Variants in EYS observed in about 807,000 individuals in gnomAD.
EYS encodes the protein protein eyes shut homolog.
EYS carries 250 observed loss-of-function variants against 282.1 expected under a neutral mutation model. The observed-to-expected ratio is 0.89, with a 90% confidence interval of 0.80 to 0.98. The LOEUF (loss-of-function observed/expected upper bound fraction) is 0.98. EYS is among the 50% of genes least tolerant of loss of function. The pLI is 0.00. For synonymous variants in EYS, 1,355 were observed against 1,282.9 expected, an observed-to-expected ratio of 1.06 and a Z score of -1.20; for missense variants, 4,016 against 3,709.0, an observed-to-expected ratio of 1.08 and a Z score of -2.15.
chr6:64,602,217 T>C (rs528790949), intron 24 of EYS, among the ~76,000 whole-genome samples: 3 of 152,186 alleles, frequency 2.0e-5, no homozygotes. Flanking sequence ...AGCACACTAT[T>C]TGTATGCTGC....
Position 64,758,286 on chromosome 6 carries a change from T to C in EYS, c.3443+55092A>G, listed in dbSNP as rs528844797. Among the ~76,000 whole-genome samples the C allele has an allele frequency of 2.0e-5, 3 of 152,264 alleles. No homozygotes were observed. The South Asian group carries it at 6.2e-4, about 32-fold the overall frequency. ...TAAATAAGTTAAAACTTCTGTGTCT[T>C]GGATTAAAAGCAGACTAATACAACT... On this transcript the variant is annotated intron_variant, in intron 22 of 42. Coordinates refer to ENST00000503581, the MANE Select transcript of EYS (RefSeq NM_001142800.2).
chr6:65,528,197 A>G (rs996441766), intron 2 of EYS, among the ~76,000 whole-genome samples: 1 of 152,200 alleles, frequency 6.6e-6, no homozygotes, highest in African/African-American at 2.4e-5. Flanking sequence ...CATATTGTGG[A>G]ATTCTCTCCT....
At chr6:65,423,162 C>G (rs1767529974) in intron 5 of EYS, among the ~76,000 whole-genome samples, 1 of 151,674 alleles carries the variant, frequency 6.6e-6, no homozygotes, top group Non-Finnish European at 1.5e-5. Context: ...TTTAAAAATT[C>G]AGATTGGTTT....
chr6:64,780,982 T>A (rs1773840384), intron 22 of EYS, among the ~76,000 whole-genome samples: 1 of 152,194 alleles, frequency 6.6e-6, no homozygotes, highest in Admixed American at 6.5e-5. Context: ...TTTCTTTACA[T>A]CACAGTTGAT....
rs1008447507 is a variant in EYS at position 64,964,585 on chromosome 6, G to T, written c.2260-18671C>A. Reference sequence around the variant, plus strand: ...AATATTTGGGAAATTTCCTGTCACAGTGGCGGCACCAGCAAGCAATTCATC... The same window carrying T: ...AATATTTGGGAAATTTCCTGTCACATTGGCGGCACCAGCAAGCAATTCATC... On this transcript the variant is annotated intron_variant, in intron 14 of 42. Coordinates refer to ENST00000503581, the MANE Select transcript of EYS (RefSeq NM_001142800.2). Among the ~76,000 whole-genome samples, 9 of 152,084 alleles carry T rather than the reference G, an allele frequency of 5.9e-5. No individual in the cohort carries two copies. In the South Asian group the frequency reaches 1.5e-3, roughly 25 times the overall value.
intron 36 of EYS, among the ~76,000 whole-genome samples, chr6:63,847,907 A>G (rs1279320943): frequency 1.3e-5 from 2 of 152,254 alleles, no homozygotes; most frequent in Non-Finnish European, 2.9e-5. Flanking sequence ...TTGAAAAGCC[A>G]TCATTTGGTA....
intron 23 of EYS, among the ~76,000 whole-genome samples, chr6:64,622,701 C>T (rs988257098): frequency 3.9e-5 from 6 of 151,942 alleles, no homozygotes; most frequent in African/African-American, 1.5e-4. Flanking sequence ...GAAAGATTTC[C>T]ACAACTGAAG....
intron 31 of EYS, among the ~76,000 whole-genome samples, chr6:64,101,421 G>C (rs1335773834): frequency 6.6e-6 from 1 of 151,952 alleles, no homozygotes; most frequent in Non-Finnish European, 1.5e-5. Context: ...ATAAATAATG[G>C]TTTCTTCAGT....
At chr6:65,026,524 T>C (rs1772413113) in intron 13 of EYS, among the ~76,000 whole-genome samples, 1 of 152,150 alleles carries the variant, frequency 6.6e-6, no homozygotes. Context: ...GGGGATGTTA[T>C]ATGGGCCTGC....
chr6:65,052,210 G>A (rs1265531664), intron 13 of EYS, among the ~76,000 whole-genome samples: 1 of 151,400 alleles, frequency 6.6e-6, no homozygotes, highest in African/African-American at 2.4e-5. Context: ...TTAGTTCTGG[G>A]GGAAAGATGA....
chr6:64,644,897 T>C (rs1331739295), intron 22 of EYS, among the ~76,000 whole-genome samples: 3 of 152,214 alleles, frequency 2.0e-5, no homozygotes, highest in African/African-American at 7.2e-5. Context: ...GAAATTTCTA[T>C]ATGAGCCTAC....
At chr6:63,828,438 C>T (rs759607159) in intron 36 of EYS, among the ~76,000 whole-genome samples, 2 of 152,202 alleles carry the variant, frequency 1.3e-5, no homozygotes, top group Non-Finnish European at 2.9e-5. Flanking sequence ...CCTTTAAGCA[C>T]ATAAACTAGA....
intron 8 of EYS, among the ~76,000 whole-genome samples, chr6:65,382,915 A>G (rs1415460994): frequency 6.6e-6 from 1 of 152,060 alleles, no homozygotes; most frequent in African/African-American, 2.4e-5. Context: ...AGACACACCC[A>G]GGGTCAATAC....
intron 22 of EYS, among the ~76,000 whole-genome samples, chr6:64,757,744 TTGTGTGTGTGTGTGTGTGTGTG>T (rs66825340): frequency 4.3e-5 from 6 of 139,814 alleles, no homozygotes; most frequent in African/African-American, 1.6e-4. Flanking sequence ...CTTTTTTTCT[TTGTGTGTGTGTGTGTGTGTGTG>T]TGTGTGTGTG....
intron 22 of EYS, among the ~76,000 whole-genome samples, chr6:64,686,538 G>A (rs577936436): frequency 2.0e-5 from 3 of 150,616 alleles, no homozygotes; most frequent in East Asian, 2.0e-4. Context: ...TCAGGAGATC[G>A]AGACCATCCT....
intron 1 of EYS, among the ~76,000 whole-genome samples, chr6:65,651,951 CAT>C (rs1314835520): frequency 6.6e-6 from 1 of 151,872 alleles, no homozygotes; most frequent in Non-Finnish European, 1.5e-5. Flanking sequence ...GAGAGAAAAA[CAT>C]ATAAAAGATT....
intron 22 of EYS, among the ~76,000 whole-genome samples, chr6:64,769,014 T>C (rs980599083): frequency 6.6e-6 from 1 of 152,094 alleles, no homozygotes; most frequent in African/African-American, 2.4e-5. Flanking sequence ...GCTTGTTTGC[T>C]ACACTCCAAG....
chr6:64,690,271 C>G (rs556802296), intron 22 of EYS, among the ~76,000 whole-genome samples: 1 of 152,034 alleles, frequency 6.6e-6, no homozygotes, highest in Non-Finnish European at 1.5e-5. Flanking sequence ...ATCAAAACCA[C>G]GACGAGATAC....
At chr6:64,304,051 G>A (rs113912269) in intron 30 of EYS, among the ~76,000 whole-genome samples, 2,011 of 152,206 alleles carry the variant, frequency 0.013, 44 homozygotes, top group African/African-American at 0.045. Context: ...ATGTGGCAAT[G>A]TTAATTACCC....
Sources: allele counts gnomAD v4.1 joint callset (sites outside exome capture counted in the v4.1 genomes callset), GRCh38; gene constraint gnomAD v4.1.1; transcripts MANE v1.5; gene names NCBI Gene and HGNC (gene_info 2026-07-23, HGNC 2026-07-21).